GPHN: variants seen among roughly 807,000 people sequenced by gnomAD.
The protein encoded by GPHN is gephyrin.
A neutral mutation model predicts 95.5 loss-of-function variants in GPHN; 17 were observed. That is an observed-to-expected ratio of 0.18 (90% CI 0.12 to 0.27). The LOEUF (loss-of-function observed/expected upper bound fraction) is 0.27. Among genes scored for constraint, GPHN ranks in the 10% least tolerant of loss-of-function variants. The pLI, the probability that GPHN is intolerant of heterozygous loss-of-function variation, is 1.00. For missense variants in GPHN, 660 were observed against 978.1 expected (o/e 0.67, Z 4.34); for synonymous variants, 320 against 322.5 (o/e 0.99, Z 0.08).
chr14:66,842,043 AC>A (rs2062113890), intron 4 of GPHN, among the ~76,000 whole-genome samples: 1 of 150,270 alleles, frequency 6.7e-6, no homozygotes, highest in Admixed American at 6.6e-5. Context: ...ACAGAGTAAG[AC>A]TCCTTCCCCC....
chr14:67,316,230 C>T, the GPHN span, among the ~76,000 whole-genome samples: 103 of 152,178 alleles, frequency 6.8e-4, no homozygotes, highest in African/African-American at 2.2e-3. Context: ...AGGTCAGGAA[C>T]CTTGAAAGCC....
At chr14:66,937,194 G>A (rs2067173271) in intron 8 of GPHN, among the ~76,000 whole-genome samples, 1 of 152,062 alleles carries the variant, frequency 6.6e-6, no homozygotes. Context: ...TGTAAAGACA[G>A]GGTTTCATCA....
At chr14:67,055,749 C>T (rs144677990) in intron 10 of GPHN, among the ~76,000 whole-genome samples, 3,049 of 152,184 alleles carry the variant, frequency 0.02, 40 homozygotes, top group Middle Eastern at 0.034. Context: ...AGAATGAAGC[C>T]GCGGACCCTC....
At chr14:66,529,772 C>G (rs1392947979) in intron 1 of GPHN, among the ~76,000 whole-genome samples, 6 of 152,168 alleles carry the variant, frequency 3.9e-5, no homozygotes. Flanking sequence ...TCCAGACCCT[C>G]TTTGCATAGG....
the GPHN span, chr14:67,333,258 T>TTC: frequency 4.6e-6 from 1 of 216,134 alleles, no homozygotes; most frequent in Non-Finnish European, 9.2e-6. Flanking sequence ...CCTAAACCCT[T>TTC]TCTGCTTAGT....
At chr14:66,929,776 A>G (rs1555443790) in intron 8 of GPHN, among the ~76,000 whole-genome samples, 2 of 149,700 alleles carry the variant, frequency 1.3e-5, no homozygotes, top group Non-Finnish European at 3.0e-5. Flanking sequence ...CAGTGGCGCT[A>G]TCTTGGCTCA....
the GPHN span, among the ~76,000 whole-genome samples, chr14:67,443,595 A>G: frequency 6.6e-6 from 1 of 151,878 alleles, no homozygotes; most frequent in African/African-American, 2.4e-5. Flanking sequence ...AAAAAGAAAG[A>G]AAGAAAAGAG....
At chr14:66,519,685 C>T (rs1266056441) in intron 1 of GPHN, among the ~76,000 whole-genome samples, 1 of 152,044 alleles carries the variant, frequency 6.6e-6, no homozygotes, top group African/African-American at 2.4e-5. Context: ...GATTCTTGCT[C>T]ATACATAGTA....
the GPHN span, among the ~76,000 whole-genome samples, chr14:67,701,502 C>A: frequency 4.3e-5 from 6 of 138,558 alleles, no homozygotes; most frequent in Non-Finnish European, 7.6e-5. Context: ...TGGCTCACTG[C>A]AAACTCCGCA....
At chr14:67,579,659 C>T in the GPHN span, 14 of 1,521,158 alleles carry the variant, frequency 9.2e-6, no homozygotes, top group African/African-American at 1.4e-5. Flanking sequence ...GACACCTCCA[C>T]CAGCCCTAGT....
chr14:66,680,448 A>C (rs1200550563), intron 1 of GPHN, among the ~76,000 whole-genome samples: 2 of 152,210 alleles, frequency 1.3e-5, no homozygotes, highest in Non-Finnish European at 2.9e-5. Context: ...TGCTGCCCCA[A>C]ATCCTCTTAG....
chr14:67,120,529 T>C (rs562278785), intron 16 of GPHN, among the ~76,000 whole-genome samples: 28 of 152,008 alleles, frequency 1.8e-4, no homozygotes, highest in African/African-American at 5.3e-4. Flanking sequence ...TGGAACTGTT[T>C]GCAGCAAAAT....
At chr14:67,456,719 C>T in the GPHN span, among the ~76,000 whole-genome samples, 1 of 152,084 alleles carries the variant, frequency 6.6e-6, no homozygotes, top group African/African-American at 2.4e-5. Context: ...AGTAGTCTGA[C>T]GATTTCTCAA....
the GPHN span, among the ~76,000 whole-genome samples, chr14:67,546,880 T>A: frequency 6.6e-6 from 1 of 152,018 alleles, no homozygotes; most frequent in East Asian, 1.9e-4. Context: ...ATATATATAT[T>A]TTTTCTCTAC....
Position 66,873,766 on chromosome 14 carries a change from C to A in GPHN, c.295-6173C>A, listed in dbSNP as rs148431727. On this transcript the variant is annotated intron_variant, in intron 4 of 22. Transcript: ENST00000478722. ...GAAAGACAGGAGCCCCAGGCAGGGG[C>A]TTATAGATAAAACTCCCATCTCCCT... 3.0e-3 allele frequency among the ~76,000 whole-genome samples: 453 copies of A among 152,298 alleles called. 3 individuals are homozygous for A. The highest frequency in any genetic ancestry group is 0.01 in the African/African-American group (435 of 41,576).
intron 8 of GPHN, among the ~76,000 whole-genome samples, chr14:66,956,128 G>T (rs1045324688): frequency 1.3e-5 from 2 of 151,766 alleles, no homozygotes; most frequent in Non-Finnish European, 2.9e-5. Context: ...GTTTGCTTTG[G>T]GTTTAGTTTA....
intron 8 of GPHN, among the ~76,000 whole-genome samples, chr14:66,937,892 T>C (rs2067213876): frequency 6.6e-6 from 1 of 152,170 alleles, no homozygotes; most frequent in Non-Finnish European, 1.5e-5. Flanking sequence ...AACTTCACCA[T>C]CATCATCATT....
intron 1 of GPHN, among the ~76,000 whole-genome samples, chr14:66,599,052 A>AT (rs2062108337): frequency 1.3e-5 from 2 of 151,710 alleles, no homozygotes; most frequent in African/African-American, 2.4e-5. Flanking sequence ...ATCCTCGGTA[A>AT]TTTTTTTTAC....
chr14:67,662,030 C>A, the GPHN span, among the ~76,000 whole-genome samples: 2 of 152,094 alleles, frequency 1.3e-5, no homozygotes, highest in Non-Finnish European at 2.9e-5. Flanking sequence ...GTGGCGCCCA[C>A]CTGTATTCCC....
Sources: allele counts gnomAD v4.1 joint callset (sites outside exome capture counted in the v4.1 genomes callset), GRCh38; gene constraint gnomAD v4.1.1; transcripts MANE v1.5; gene names NCBI Gene and HGNC (gene_info 2026-07-23, HGNC 2026-07-21).